The following SHANK1 variants were observed in gnomAD, a reference collection of about 807,000 sequenced individuals.
The protein encoded by SHANK1 is SH3 and multiple ankyrin repeat domains 1.
SHANK1 carries 35 observed loss-of-function variants against 165.6 expected under a neutral mutation model. That is an observed-to-expected ratio of 0.21 (90% confidence interval 0.16 to 0.28). The LOEUF (loss-of-function observed/expected upper bound fraction) is 0.28. Ranked by LOEUF, SHANK1 falls within the 10% of genes least tolerant of loss-of-function variation. The pLI is 1.00. For synonymous variants in SHANK1, 1,428 were observed against 1,384.8 expected (o/e 1.03, Z -0.69); for missense variants, 2,681 against 3,036.4 (o/e 0.88, Z 2.75).
At chr19:50,719,227 C>T (rs974309001) in intron 1 of SHANK1, among the ~76,000 whole-genome samples, 179 bp downstream of exon 1, 2 of 151,746 alleles carry the variant, frequency 1.3e-5, no homozygotes, top group African/African-American at 4.8e-5. Context: ...CACCGGGGAC[C>T]CGGGCGTAAC....
intron 4 of SHANK1, 22 bp downstream of exon 4, chr19:50,715,637 G>A (rs369996499): frequency 6.2e-7 from 1 of 1,611,862 alleles, no homozygotes; most frequent in Non-Finnish European, 8.5e-7. Flanking sequence ...ATAGGGGATA[G>A]ATGCCAGCAG....
Position 50,661,739 on chromosome 19 carries a change from TCA to T in SHANK1, c.*224_*225del, listed in dbSNP as rs3833236. On this transcript the variant is annotated 3_prime_UTR_variant, in exon 24 of 24. Coordinates refer to ENST00000293441, the MANE Select transcript of SHANK1 (RefSeq NM_016148.5). The stretch of plus-strand genomic sequence containing the variant: ...TCCTATCCCCCCTCCGCTCCCCGCT[TCA>T]CACACACACACACACTCTTGTGTCA... 0.78 allele frequency: 388,794 copies of T among 497,388 alleles called. 154,651 individuals carry two copies. Among genetic ancestry groups the T allele is most frequent in the African/African-American group, 0.94 (46,994 of 50,136 alleles). The allele number at this position is 497,388 out of a possible 1,614,324, so 30.8% of individuals were successfully genotyped here.
At chr19:50,676,086 C>T (rs941748083) in intron 21 of SHANK1, among the ~76,000 whole-genome samples, 2 of 151,978 alleles carry the variant, frequency 1.3e-5, no homozygotes, top group Non-Finnish European at 2.9e-5. Context: ...TTGCTTGATG[C>T]CAGGAGTTCG....
intron 21 of SHANK1, among the ~76,000 whole-genome samples, chr19:50,680,162 T>C (rs1031869522): frequency 1.4e-5 from 2 of 143,176 alleles, no homozygotes; most frequent in African/African-American, 5.2e-5. Flanking sequence ...AAGAGAAAGA[T>C]AGGGAGAGTG....
In SHANK1 at chr19:50,697,859, A is replaced by G. The variant is rs368075909; in HGVS notation, c.1845T>C (p.Ser615=). Residue 615 remains serine (S), a synonymous_variant, in exon 13 of 24, where the codon TCT becomes TCC. Coordinates refer to ENST00000293441, the MANE Select transcript of SHANK1 (RefSeq NM_016148.5). The surrounding 1 kb of genome is among the most constrained non-coding windows in gnomAD (Gnocchi z 4.7). ...SDCLEEVANR[S]QESKQESRSD... ...CCGCATTACCTTGCTTGCTCTCCTG[A>G]GAGCGATTCGCCACTTCTTCCAGGC... The G allele has an allele frequency of 3.1e-6, 5 of 1,613,810 alleles. No individual in the cohort carries two copies. The highest frequency in any genetic ancestry group is 1.1e-5 in the South Asian group (1 of 91,070).
chr19:50,664,186 C>T (rs1460935509), intron 23 of SHANK1, among the ~76,000 whole-genome samples: 1 of 151,490 alleles, frequency 6.6e-6, no homozygotes, highest in African/African-American at 2.4e-5. Flanking sequence ...ACTCCCTGAA[C>T]CCACATTTGA....
Position 50,688,922 on chromosome 19 carries a change from C to T in SHANK1, c.2094G>A (p.Ala698=), listed in dbSNP as rs774618888. ...CGTCCACCGACTCCAGGTACTGCAG[C>T]GCCGGGAAGGCCGGGGTGGGGGTGA... is the stretch of plus-strand genomic sequence containing the variant. ...EEFTPTPAFP[A]LQYLESVDEG... is the part of the protein sequence containing the mutation. Residue 698 remains alanine (A), a synonymous_variant, in exon 17 of 24, where the codon GCG becomes GCA. Transcript: ENST00000293441. The surrounding 1 kb of genome is among the most constrained non-coding windows in gnomAD (Gnocchi z 6.7). 2.2e-5 allele frequency: 34 copies of T among 1,568,838 alleles called. No individual in the cohort carries two copies. The highest frequency in any genetic ancestry group is 2.7e-5 in the Non-Finnish European group (31 of 1,156,674).
At chr19:50,671,184 T>TTTC (rs1555740663) in intron 22 of SHANK1, among the ~76,000 whole-genome samples, 1 of 135,018 alleles carries the variant, frequency 7.4e-6, no homozygotes, top group East Asian at 2.1e-4. Flanking sequence ...TTCACTCTTT[T>TTTC]TTTTTTTTTT....
chr19:50,680,188 G>C (rs1221518487), intron 21 of SHANK1, among the ~76,000 whole-genome samples: 1 of 151,962 alleles, frequency 6.6e-6, no homozygotes, highest in South Asian at 2.1e-4. Flanking sequence ...GGCGAAGAGC[G>C]ACAGACAGAG....
chr19:50,704,569 A>G (rs2088915533), intron 8 of SHANK1, 55 bp from the exon 9 acceptor site: 2 of 1,464,944 alleles, frequency 1.4e-6, no homozygotes, highest in Non-Finnish European at 1.9e-6. Context: ...AATTAAGATC[A>G]CCATGAGTGG....
At position 50,702,508 on chromosome 19, in the gene SHANK1, G is replaced by C; in HGVS notation, c.1706C>G (p.Ala569Gly). Residue 569 changes from alanine to glycine, a missense_variant, in exon 12 of 24, where the codon GCC becomes GGC. By Grantham distance (60) the Ala-to-Gly change is moderately conservative. Transcript: ENST00000293441. The surrounding 1 kb of genome is among the most constrained non-coding windows in gnomAD (Gnocchi z 5.3). ...CTTGCTCAGGGAGATCTCCCCCTCG[G>C]CTTGGGCCTGGTAGGACTTCACAGC... ...FMAVKSYQAQ[A>G]EGEISLSKGE... 6.2e-7 allele frequency: 1 copy of C among 1,613,182 alleles called. No individual in the cohort carries two copies. The highest frequency in any genetic ancestry group is 8.5e-7 in the Non-Finnish European group (1 of 1,179,844).
chr19:50,662,919 G>T lies in SHANK1; in HGVS notation c.5769-237C>A, dbSNP rs1985327058. ...GACAGGGAGAGGGCGACAGTTAAGA[G>T]AGATGAAAGAAAAAGAGACATTAAG... is the stretch of plus-strand genomic sequence containing the variant. On this transcript the variant is annotated intron_variant, in intron 23 of 23. Coordinates refer to ENST00000293441, the MANE Select transcript of SHANK1 (RefSeq NM_016148.5). This position sits in a 1 kb window ranked among gnomAD's most constrained non-coding sequence, Gnocchi z 7.7. 6.6e-6 allele frequency among the ~76,000 whole-genome samples: 1 copy of T among 151,954 alleles called. No individual in the cohort carries two copies. Among genetic ancestry groups the T allele is most frequent in the Admixed American group, 6.6e-5 (1 of 15,258 alleles).
chr19:50,702,116 C>G lies in SHANK1; in HGVS notation c.1747+351G>C, dbSNP rs990725091. On this transcript the variant is annotated intron_variant, in intron 12 of 23. Coordinates refer to ENST00000293441, the MANE Select transcript of SHANK1 (RefSeq NM_016148.5). This position sits in a 1 kb window ranked among gnomAD's most constrained non-coding sequence, Gnocchi z 5.3. The stretch of plus-strand genomic sequence containing the variant: ...TGAGGACCTTGGGCAAGTGGCTTCA[C>G]CTGTGTGAGGTTCTGTTCCTTCAAC... Among the ~76,000 whole-genome samples the G allele has an allele frequency of 6.6e-6, 1 of 151,118 alleles. No homozygotes were observed. The highest frequency in any genetic ancestry group is 2.4e-5 in the African/African-American group (1 of 40,914).
chr19:50,662,496 G>A lies in SHANK1; in HGVS notation c.5955C>T (p.Gly1985=), dbSNP rs774314893. 77 of 1,558,504 alleles carry A rather than the reference G, an allele frequency of 4.9e-5. No homozygotes were observed. In the South Asian group the frequency reaches 5.7e-4, roughly 11 times the overall value. ...SSSTSTRHLQ[G]VEFEMRPPLL... is the part of the protein sequence containing the mutation. ...GAGGGGGCCGCATCTCGAACTCCAC[G>A]CCCTGGAGGTGGCGGGTGGACGTGG... The change falls in exon 24 of 24, where the codon GGC becomes GGT. Residue 1985 remains glycine (G), a synonymous_variant. Transcript: ENST00000293441. The surrounding 1 kb of genome is among the most constrained non-coding windows in gnomAD (Gnocchi z 7.7).
rs1162463827 is a variant in SHANK1 at position 50,703,756 on chromosome 19, C to T, written c.1297G>A (p.Ala433Thr). 7.0e-7 allele frequency: 1 copy of T among 1,432,994 alleles called. No homozygotes were observed. The highest frequency in any genetic ancestry group is 9.1e-7 in the Non-Finnish European group (1 of 1,097,870). The allele number at this position is 1,432,994 out of a possible 1,614,324, so 88.8% of individuals were successfully genotyped here. Residue 433 changes from alanine to threonine, a missense_variant, in exon 11 of 24, where the codon GCG becomes ACG. Physicochemically the swap from Ala to Thr is moderately conservative, Grantham distance 58. Coordinates refer to ENST00000293441, the MANE Select transcript of SHANK1 (RefSeq NM_016148.5). Reference sequence around the variant, plus strand: ...GTGTCACTGTTGGCCCGCAGCAGCGCCGGGGGCACCGTCAGCCCTGTGCCT... The same window carrying T: ...GTGTCACTGTTGGCCCGCAGCAGCGTCGGGGGCACCGTCAGCCCTGTGCCT... Reference protein sequence around the residue: ...PPGTGLTVPPALLRANSDTSM... With the variant: ...PPGTGLTVPPTLLRANSDTSM...
intron 23 of SHANK1, among the ~76,000 whole-genome samples, chr19:50,663,949 T>G (rs1985378294): frequency 6.8e-6 from 1 of 146,542 alleles, no homozygotes; most frequent in African/African-American, 2.5e-5. Context: ...TCTTTTTTTT[T>G]TTTTTTTTAA....
At position 50,661,697 on chromosome 19, in the gene SHANK1, T is replaced by G; in HGVS notation, c.*268A>C. ...GAATAGGCCCTTCCCTCCTTCTCAA[T>G]TCCCCTCTGTAATTTCTCCTATCCC... is the stretch of plus-strand genomic sequence containing the variant. On this transcript the variant is annotated 3_prime_UTR_variant, in exon 24 of 24. Coordinates refer to ENST00000293441, the MANE Select transcript of SHANK1 (RefSeq NM_016148.5). 4.2e-6 allele frequency: 2 copies of G among 474,926 alleles called. No homozygotes were observed. Among genetic ancestry groups the G allele is most frequent in the Non-Finnish European group, 3.8e-6 (1 of 262,056 alleles). The allele number at this position is 474,926 out of a possible 1,614,324, so 29.4% of individuals were successfully genotyped here. A position where few individuals can be genotyped will look rare whatever the true frequency, so the allele number is the denominator to read the frequency against.
chr19:50,692,002 G>C (rs1464608609), intron 15 of SHANK1, among the ~76,000 whole-genome samples: 1 of 152,056 alleles, frequency 6.6e-6, no homozygotes, highest in African/African-American at 2.4e-5. Flanking sequence ...CACTTTATAG[G>C]TGAGGAAACA....
chr19:50,660,735 GC>G lies in SHANK1; in HGVS notation c.*1229del, dbSNP rs1447740497. Among the ~76,000 whole-genome samples, 1 of 142,972 alleles carries G rather than the reference GC, an allele frequency of 7.0e-6. No homozygotes were observed. The highest frequency in any genetic ancestry group is 1.5e-5 in the Non-Finnish European group (1 of 65,852). 93.8% of individuals were successfully genotyped at this position (142,972 alleles called of 152,430 possible). ...CACTGAAAATGCTGGGGGGGGGGGC[GC>G]GTGTGCAAAAGCAAGTGTGCAAGAG... On this transcript the variant is annotated 3_prime_UTR_variant, in exon 24 of 24. Coordinates refer to ENST00000293441, the MANE Select transcript of SHANK1 (RefSeq NM_016148.5).
Sources: allele counts gnomAD v4.1 joint callset (sites outside exome capture counted in the v4.1 genomes callset), GRCh38; gene constraint gnomAD v4.1.1; non-coding constraint Gnocchi (gnomAD v3.1); transcripts MANE v1.5; gene names NCBI Gene and HGNC (gene_info 2026-07-23, HGNC 2026-07-21).